ZNF283: variants seen among roughly 807,000 people sequenced by gnomAD.
ZNF283 encodes zinc finger protein 283.
In ZNF283, 10 loss-of-function variants were observed where a neutral mutation model predicts 9.2. That is an observed-to-expected ratio of 1.09 (90% CI 0.67 to 1.85). ZNF283 has a LOEUF of 1.85. Among genes scored for constraint, ZNF283 ranks in the 40% most tolerant of loss-of-function variants. The pLI is 0.00. For synonymous variants in ZNF283, 234 were observed against 244.1 expected, an observed-to-expected ratio of 0.96 and a Z score of 0.38; for missense variants, 631 against 760.1, an observed-to-expected ratio of 0.83 and a Z score of 2.00.
intron 2 of ZNF283, 70 bp from the exon 3 acceptor site, chr19:43,831,248 T>G (rs1032587462): frequency 9.0e-7 from 1 of 1,110,758 alleles, no homozygotes; most frequent in Non-Finnish European, 1.3e-6. Flanking sequence ...CAAATACTGT[T>G]TTGTTTATGC....
At chr19:43,838,302 T>C (rs1956449151) in intron 6 of ZNF283, among the ~76,000 whole-genome samples, 1 of 152,124 alleles carries the variant, frequency 6.6e-6, no homozygotes, top group African/African-American at 2.4e-5. Flanking sequence ...TCCACAACTA[T>C]TTTGTGGGGA....
rs1599735513 is a variant in ZNF283, at chr19:43,848,561, T to C, written c.1960T>C (p.Tyr654His). 1 of 1,601,198 alleles carries C rather than the reference T, an allele frequency of 6.2e-7. No individual in the cohort carries two copies. The highest frequency in any genetic ancestry group is 1.1e-5 in the South Asian group (1 of 89,808). Reference protein sequence around the residue: ...HERTHSNDKPYKYNECGEAFL... With the variant: ...HERTHSNDKPHKYNECGEAFL... ...GAGAACTCATAGTAATGATAAACCCTACAAATATAACGAATGTGGGGAAGC... is the reference window on the plus strand; with the variant it reads ...GAGAACTCATAGTAATGATAAACCCCACAAATATAACGAATGTGGGGAAGC... Residue 654 changes from tyrosine to histidine, a missense_variant, in exon 7 of 7, where the codon TAC becomes CAC. Transcript: ENST00000618787.
intron 2 of ZNF283, among the ~76,000 whole-genome samples, chr19:43,829,124 G>A (rs1250862481): frequency 6.6e-6 from 1 of 152,150 alleles, no homozygotes; most frequent in Non-Finnish European, 1.5e-5. Flanking sequence ...AGTGGCTCAC[G>A]CCTGTAATCC....
Position 43,848,122 on chromosome 19 carries a change from A to T in ZNF283, c.1521A>T (p.Val507=). 1 of 1,613,886 alleles carries T rather than the reference A, an allele frequency of 6.2e-7. No homozygotes were observed. The highest frequency in any genetic ancestry group is 1.1e-5 in the South Asian group (1 of 91,076). ...CSGYQLTRHQ[V]FHTGEKPYEC... is the part of the protein sequence containing the mutation. The stretch of plus-strand genomic sequence containing the variant: ...GGTATCAACTTACTCGACATCAGGT[A>T]TTTCACACTGGTGAGAAACCCTATG... The change falls in exon 7 of 7, where the codon GTA becomes GTT. Residue 507 remains valine (V), a synonymous_variant. Transcript: ENST00000618787.
intron 2 of ZNF283, among the ~76,000 whole-genome samples, chr19:43,829,841 G>A (rs1330042012): frequency 2.0e-5 from 3 of 152,052 alleles, no homozygotes; most frequent in African/African-American, 4.8e-5. Flanking sequence ...GGCCAGCATG[G>A]TGAAACCCCG....
chr19:43,837,210 T>G, intron 6 of ZNF283, 31 bp downstream of exon 6: 2 of 1,543,058 alleles, frequency 1.3e-6, no homozygotes, highest in Non-Finnish European at 1.7e-6. Flanking sequence ...TAATTTAGAG[T>G]CTCCTCTTTG....
Position 43,835,556 on chromosome 19 carries a change from A to G in ZNF283, c.174A>G (p.Ala58=). The G allele has an allele frequency of 2.5e-6, 4 of 1,611,016 alleles. No homozygotes were observed. The highest frequency in any genetic ancestry group is 3.4e-6 in the Non-Finnish European group (4 of 1,178,474). ...CACCAATAGAGGAATCCCATGGAGCATTAATTAGTTCTTGCAATTCCAGAA... is the reference window on the plus strand; with the variant it reads ...CACCAATAGAGGAATCCCATGGAGCGTTAATTAGTTCTTGCAATTCCAGAA... The part of the protein sequence containing the change: ...CASPIEESHG[A]LISSCNSRTM... The change falls in exon 5 of 7, where the codon GCA becomes GCG. Residue 58 remains alanine, a synonymous_variant. Transcript: ENST00000618787.
chr19:43,829,278 G>C (rs768307020), intron 2 of ZNF283, among the ~76,000 whole-genome samples: 2 of 152,098 alleles, frequency 1.3e-5, no homozygotes, highest in African/African-American at 4.8e-5. Context: ...CCAGCTACTC[G>C]GGAGGCTGAG....
chr19:43,846,801 T>C (rs1231586910), intron 6 of ZNF283, 138 bp from the exon 7 acceptor site: 2 of 639,580 alleles, frequency 3.1e-6, no homozygotes, highest in Non-Finnish European at 5.0e-6. Flanking sequence ...CTGAGTTTGT[T>C]ATTTAACAAG....
chr19:43,828,548 G>A (rs1970570153), intron 2 of ZNF283, among the ~76,000 whole-genome samples: 1 of 152,156 alleles, frequency 6.6e-6, no homozygotes, highest in African/African-American at 2.4e-5. Context: ...ACCTCTTGTA[G>A]ATTGCTATTA....
chr19:43,842,942 TA>T (rs1971269761), intron 6 of ZNF283, among the ~76,000 whole-genome samples: 1 of 125,014 alleles, frequency 8.0e-6, no homozygotes, highest in Admixed American at 7.1e-5. Context: ...TATATACATT[TA>T]AAAAATATTC....
At position 43,833,570 on chromosome 19, in the gene ZNF283, G is replaced by A. The variant is rs1439493706; in HGVS notation, c.66G>A (p.Pro22=). Residue 22 remains proline (P), a synonymous_variant, in exon 4 of 7, where the codon CCG becomes CCA. Coordinates refer to ENST00000618787, the MANE Select transcript of ZNF283 (RefSeq NM_181845.2). The part of the protein sequence containing the change: ...QWCDLGSLQA[P]PPGFTLFSCL... ...GCGATCTTGGCTCACTGCAAGCTCC[G>A]CCTCCTGGGTTCACGCTATTCTCCT... 6 of 165,600 alleles carry A rather than the reference G, an allele frequency of 3.6e-5. 1 individual carries two copies. Among genetic ancestry groups the A allele is most frequent in the South Asian group, 2.0e-4 (2 of 10,122 alleles). 10.3% of individuals were successfully genotyped at this position (165,600 alleles called of 1,614,324 possible). A position where few individuals can be genotyped will look rare whatever the true frequency, so the allele number is the denominator to read the frequency against.
chr19:43,831,406 AC>A, intron 3 of ZNF283, 25 bp downstream of exon 3: 1 of 1,583,986 alleles, frequency 6.3e-7, no homozygotes, highest in Non-Finnish European at 8.5e-7. Flanking sequence ...TTTCAGGCCC[AC>A]TGATTTTCAG....
rs866042287 is a variant in ZNF283, at chr19:43,848,457, G to A, written c.1856G>A (p.Arg619Lys). 1 of 1,613,758 alleles carries A rather than the reference G, an allele frequency of 6.2e-7. No homozygotes were observed. Among genetic ancestry groups the A allele is most frequent in the Non-Finnish European group, 8.5e-7 (1 of 1,179,728 alleles). ...GSGYQLSVHQRFHTGEKLYQR... is the reference protein window; with the variant it reads ...GSGYQLSVHQKFHTGEKLYQR... ...GGCTATCAACTTAGTGTTCATCAGA[G>A]ATTTCATACTGGTGAGAAGCTTTAT... The change falls in exon 7 of 7, where the codon AGA (arginine) becomes AAA (lysine). Residue 619 changes from arginine to lysine, a missense_variant. Arg to Lys is a conservative substitution (Grantham distance 26). This residue lies in a region of ZNF283 where 444 missense variants were observed against 522.5 expected (regional missense o/e 0.85). Transcript: ENST00000618787.
In ZNF283 at chr19:43,849,183, AATT is replaced by A. The variant is rs1472007373; in HGVS notation, c.*548_*550del. 1 of 152,308 alleles carries A rather than the reference AATT, an allele frequency of 6.6e-6. No homozygotes were observed. The highest frequency in any genetic ancestry group is 1.5e-5 in the Non-Finnish European group (1 of 68,062). The allele number at this position is 152,308 out of a possible 1,614,324, so 9.4% of individuals were successfully genotyped here. A position where few individuals can be genotyped will look rare whatever the true frequency, so the allele number is the denominator to read the frequency against. On this transcript the variant is annotated 3_prime_UTR_variant, in exon 7 of 7. Transcript: ENST00000618787. ...AAGGCCTTTAGACAAATGCTACCCA[AATT>A]ATTATCCAGAGACTGGTGCAGTCAT...
At chr19:43,828,620 A>G (rs1373699788) in intron 2 of ZNF283, among the ~76,000 whole-genome samples, 2 of 152,168 alleles carry the variant, frequency 1.3e-5, no homozygotes, top group African/African-American at 4.8e-5. Context: ...TTATATAAAC[A>G]TTATTTTTTA....
chr19:43,845,147 T>C (rs1370722816), intron 6 of ZNF283, among the ~76,000 whole-genome samples: 2 of 152,180 alleles, frequency 1.3e-5, no homozygotes, highest in East Asian at 3.8e-4. Flanking sequence ...CTTATTAGCC[T>C]AGAAAGGCCA....
intron 3 of ZNF283, among the ~76,000 whole-genome samples, chr19:43,832,706 T>C (rs931371771): frequency 8.5e-5 from 13 of 152,148 alleles, no homozygotes; most frequent in Non-Finnish European, 1.8e-4. Context: ...GTAACATTCT[T>C]CATTTTCAAT....
rs984013782 is a variant in ZNF283, at chr19:43,838,690, A to G, written c.337+1511A>G. Reference sequence around the variant, plus strand: ...CCATTTATTCATATGTTCGCTTTCTAGTCAATGGGCTATATTCTGTTTTTT... The same window carrying G: ...CCATTTATTCATATGTTCGCTTTCTGGTCAATGGGCTATATTCTGTTTTTT... On this transcript the variant is annotated intron_variant, in intron 6 of 6. Coordinates refer to ENST00000618787, the MANE Select transcript of ZNF283 (RefSeq NM_181845.2). 2.0e-5 allele frequency among the ~76,000 whole-genome samples: 3 copies of G among 152,304 alleles called. No individual in the cohort carries two copies. The East Asian group carries it at 5.8e-4, about 29-fold the overall frequency.
Sources: gnomAD v4.1 joint callset for allele counts (sites outside exome capture counted in the v4.1 genomes callset) on GRCh38, gnomAD v4.1.1 for gene constraint, gnomAD v4.1.1 regional missense constraint, MANE v1.5 for transcripts, NCBI Gene and HGNC (gene_info 2026-07-23, HGNC 2026-07-21) for gene names.